The following IL26 variants were observed in gnomAD, a reference collection of about 807,000 sequenced individuals.
The protein encoded by IL26 is interleukin-26.
IL26 carries 23 observed loss-of-function variants against 21.7 expected under a neutral mutation model. The observed-to-expected ratio is 1.06, with a 90% CI of 0.76 to 1.50. The LOEUF is 1.50. Among genes scored for constraint, IL26 ranks in the 40% most tolerant of loss-of-function variants. IL26 has a pLI of 0.00. For synonymous variants in IL26, 63 were observed against 67.8 expected, an observed-to-expected ratio of 0.93 and a Z score of 0.34; for missense variants, 204 against 196.0, an observed-to-expected ratio of 1.04 and a Z score of -0.24.
At chr12:68,204,814 C>T (rs1177935985) in intron 3 of IL26, among the ~76,000 whole-genome samples, 1 of 152,184 alleles carries the variant, frequency 6.6e-6, no homozygotes, top group Admixed American at 6.5e-5. Flanking sequence ...ACAGAGTTCT[C>T]ATTTTCTTTA....
At chr12:68,203,659 G>A (rs1173490545) in intron 3 of IL26, among the ~76,000 whole-genome samples, 1 of 152,172 alleles carries the variant, frequency 6.6e-6, no homozygotes, top group Non-Finnish European at 1.5e-5. Context: ...GTGGCTAAAT[G>A]ATAACATCTA....
intron 3 of IL26, among the ~76,000 whole-genome samples, chr12:68,204,687 TAA>T (rs112997718): frequency 6.8e-6 from 1 of 147,624 alleles, no homozygotes; most frequent in African/African-American, 2.5e-5. Context: ...ACTGTTCAAT[TAA>T]AAAAAAAAAC....
At chr12:68,203,030 T>A (rs1364769132) in intron 3 of IL26, among the ~76,000 whole-genome samples, 1 of 152,188 alleles carries the variant, frequency 6.6e-6, no homozygotes, top group Non-Finnish European at 1.5e-5. Flanking sequence ...AAAAAATCAC[T>A]CTGCCTATCA....
At chr12:68,202,707 C>T (rs1410175540) in intron 3 of IL26, among the ~76,000 whole-genome samples, 2 of 152,286 alleles carry the variant, frequency 1.3e-5, no homozygotes, top group Non-Finnish European at 1.5e-5. Flanking sequence ...CCTCCCTCCA[C>T]ATTTGGGGAT....
intron 3 of IL26, among the ~76,000 whole-genome samples, chr12:68,209,507 G>A (rs1868643926): frequency 6.6e-6 from 1 of 152,160 alleles, no homozygotes; most frequent in Admixed American, 6.5e-5. Context: ...ACACATTCCA[G>A]AGGCCACGAG....
chr12:68,225,453 CTTTT>C lies in IL26; in HGVS notation c.215_218del (p.Lys72SerfsTer4). ...AGACTTTCTGACTTACCATAAACTGCTTTTTTGTTTTCTTTTTTAATAATCGTAT... is the reference window on the plus strand; with the variant it reads ...AGACTTTCTGACTTACCATAAACTGCTTGTTTTCTTTTTTAATAATCGTAT... On this transcript the variant is annotated frameshift_variant, in exon 2 of 5. Transcript: ENST00000229134. LOFTEE classifies it high-confidence loss of function. 6.3e-7 allele frequency: 1 copy of C among 1,580,872 alleles called. No homozygotes were observed. The highest frequency in any genetic ancestry group is 8.7e-7 in the Non-Finnish European group (1 of 1,151,412).
intron 3 of IL26, among the ~76,000 whole-genome samples, chr12:68,213,833 C>T (rs1392905834): frequency 5.9e-5 from 9 of 151,948 alleles, no homozygotes; most frequent in African/African-American, 2.2e-4. Context: ...TTGCACTTCC[C>T]TATTGTTTTG....
intron 3 of IL26, among the ~76,000 whole-genome samples, chr12:68,204,521 CA>C (rs1346949299): frequency 6.6e-6 from 1 of 152,176 alleles, no homozygotes; most frequent in African/African-American, 2.4e-5. Context: ...TTAAATAAAA[CA>C]GGCATTCCTG....
chr12:68,223,826 T>C (rs1286619908), intron 3 of IL26, among the ~76,000 whole-genome samples: 1 of 149,070 alleles, frequency 6.7e-6, no homozygotes, highest in East Asian at 2.0e-4. Context: ...AATCCAAACC[T>C]AAGTAAGGGT....
intron 3 of IL26, among the ~76,000 whole-genome samples, chr12:68,211,413 A>G (rs148178621): frequency 1.2e-3 from 183 of 152,200 alleles, no homozygotes; most frequent in African/African-American, 4.3e-3. Flanking sequence ...TTTCTTTAGG[A>G]TATATATCCA....
chr12:68,201,733 C>A lies in IL26; in HGVS notation c.*112G>T. The A allele has an allele frequency of 3.3e-6, 2 of 609,810 alleles. No homozygotes were observed. The highest frequency in any genetic ancestry group is 3.1e-5 in the South Asian group (1 of 32,554). 37.8% of individuals were successfully genotyped at this position (609,810 alleles called of 1,614,324 possible). On this transcript the variant is annotated 3_prime_UTR_variant, in exon 5 of 5. Coordinates refer to ENST00000229134, the MANE Select transcript of IL26 (RefSeq NM_018402.2). Reference sequence around the variant, plus strand: ...GTCTATTCTGAATCACCTAACATGCCGTCAGTATTATGTTAAAAAGTTTTT... The same window carrying A: ...GTCTATTCTGAATCACCTAACATGCAGTCAGTATTATGTTAAAAAGTTTTT...
intron 3 of IL26, among the ~76,000 whole-genome samples, chr12:68,224,186 T>C (rs952166603): frequency 2.0e-5 from 3 of 152,160 alleles, no homozygotes; most frequent in Non-Finnish European, 4.4e-5. Context: ...TGCAGGAGGC[T>C]GGAGAAAGCA....
At chr12:68,223,886 T>TTTTTTTTTTTTTTTTTTTTC (rs1565740588) in intron 3 of IL26, among the ~76,000 whole-genome samples, 1 of 149,144 alleles carries the variant, frequency 6.7e-6, no homozygotes, top group African/African-American at 2.5e-5. Flanking sequence ...ATTTGGTGGT[T>TTTTTTTTTTTTTTTTTTTTC]TTTTTTTTTT....
chr12:68,220,982 A>G (rs2041867), intron 3 of IL26, among the ~76,000 whole-genome samples: 2 of 152,178 alleles, frequency 1.3e-5, no homozygotes, highest in South Asian at 2.1e-4. Context: ...TTAATGTTAA[A>G]TATAGTCATA....
Position 68,202,760 on chromosome 12 carries a change from C to T in IL26, c.364-677G>A, listed in dbSNP as rs11571061. Among the ~76,000 whole-genome samples, 352 of 152,194 alleles carry T rather than the reference C, an allele frequency of 2.3e-3. 1 individual carries two copies. Among genetic ancestry groups the T allele is most frequent in the African/African-American group, 7.3e-3 (303 of 41,504 alleles). ...TTTGGGTGGGGACACAGAGCCAAAC[C>T]ATATCAACATTTAAGTTGAGATAAC... On this transcript the variant is annotated intron_variant, in intron 3 of 4. Coordinates refer to ENST00000229134, the MANE Select transcript of IL26 (RefSeq NM_018402.2).
Position 68,225,484 on chromosome 12 carries a change from T to A in IL26, c.188A>T (p.Asn63Ile), listed in dbSNP as rs375523456. The A allele has an allele frequency of 1.3e-6, 2 of 1,592,594 alleles. No homozygotes were observed. Among genetic ancestry groups the A allele is most frequent in the Non-Finnish European group, 1.7e-6 (2 of 1,161,236 alleles). The change falls in exon 2 of 5, where the codon AAT becomes ATT. Residue 63 changes from asparagine (N) to isoleucine (I), a missense_variant. Coordinates refer to ENST00000229134, the MANE Select transcript of IL26 (RefSeq NM_018402.2). Reference protein sequence around the residue: ...KATIPEDRIKNIRLLKKKTKK... With the variant: ...KATIPEDRIKIIRLLKKKTKK... The stretch of plus-strand genomic sequence containing the variant: ...TGTTTTCTTTTTTAATAATCGTATA[T>A]TTTTTATGCGGTCTTCCTACAATAA...
intron 3 of IL26, among the ~76,000 whole-genome samples, chr12:68,214,660 T>C (rs1214419925): frequency 6.6e-6 from 1 of 152,182 alleles, no homozygotes; most frequent in East Asian, 1.9e-4. Context: ...CTGCTCTTTT[T>C]TTGGTTTCCA....
intron 3 of IL26, among the ~76,000 whole-genome samples, chr12:68,221,868 T>C (rs945463945): frequency 2.0e-5 from 3 of 152,178 alleles, no homozygotes; most frequent in African/African-American, 7.2e-5. Flanking sequence ...CCAACCCAAA[T>C]ACTCCTATTA....
At chr12:68,221,588 T>C (rs528264579) in intron 3 of IL26, among the ~76,000 whole-genome samples, 1 of 152,370 alleles carries the variant, frequency 6.6e-6, no homozygotes, top group South Asian at 2.1e-4. Context: ...GGGCTGGTGA[T>C]ATGAATGTCA....
Sources: gnomAD v4.1 joint callset for allele counts (sites outside exome capture counted in the v4.1 genomes callset) on GRCh38, gnomAD v4.1.1 for gene constraint, MANE v1.5 for transcripts, NCBI Gene and HGNC (gene_info 2026-07-23, HGNC 2026-07-21) for gene names.